The following EHBP1 variants were observed in gnomAD, a reference collection of about 807,000 sequenced individuals.
EHBP1 encodes EH domain binding protein 1.
In EHBP1, 55 loss-of-function variants were observed where a neutral mutation model predicts 144.0. The observed-to-expected ratio is 0.38, with a 90% CI of 0.31 to 0.48. EHBP1 has a LOEUF of 0.48. Among genes scored for constraint, EHBP1 ranks in the 20% least tolerant of loss-of-function variants. The pLI is 0.98. For synonymous variants in EHBP1, 469 were observed against 472.7 expected, an observed-to-expected ratio of 0.99 and a Z score of 0.10; for missense variants, 1,200 against 1,364.2, an observed-to-expected ratio of 0.88 and a Z score of 1.90.
At chr2:62,803,873 G>C (rs936793742) in intron 5 of EHBP1, among the ~76,000 whole-genome samples, 1 of 152,144 alleles carries the variant, frequency 6.6e-6, no homozygotes, top group African/African-American at 2.4e-5. Context: ...TAAGATTTCA[G>C]TTCCTCCACT....
intron 4 of EHBP1, 136 bp from the exon 5 acceptor site, chr2:62,771,203 A>C (rs2041632643): frequency 2.0e-6 from 1 of 489,696 alleles, no homozygotes. Context: ...GCAAAAGAAA[A>C]GAGTAGGCTA....
chr2:62,770,996 C>T (rs1354500010), intron 4 of EHBP1, among the ~76,000 whole-genome samples: 1 of 151,892 alleles, frequency 6.6e-6, no homozygotes, highest in East Asian at 1.9e-4. Context: ...GACACTGCGG[C>T]CTATGGGAAG....
At chr2:62,675,001 G>A (rs1267520784) in intron 1 of EHBP1, among the ~76,000 whole-genome samples, 4 of 152,170 alleles carry the variant, frequency 2.6e-5, no homozygotes, top group Non-Finnish European at 5.9e-5. Context: ...TGGTCAGAGA[G>A]GGAGAACTTG....
rs1327212626 is a variant in EHBP1, at chr2:62,683,646, G to A, written c.-296+9563G>A. On this transcript the variant is annotated intron_variant, in intron 1 of 22. Coordinates refer to the EHBP1 transcript ENST00000405015. Reference sequence around the variant, plus strand: ...TGCACTCCAGCCTGGGCGAAAGAGCGAGACTCCATCTCAAAAAAAAAAAAA... The same window carrying A: ...TGCACTCCAGCCTGGGCGAAAGAGCAAGACTCCATCTCAAAAAAAAAAAAA... Among the ~76,000 whole-genome samples, 16 of 113,852 alleles carry A rather than the reference G, an allele frequency of 1.4e-4. No homozygotes were observed. In the East Asian group the frequency reaches 1.5e-3, roughly 11 times the overall value. The allele number at this position is 113,852 out of a possible 152,430, so 74.7% of individuals were successfully genotyped here.
intron 2 of EHBP1, among the ~76,000 whole-genome samples, chr2:62,738,789 A>G (rs906849758): frequency 2.6e-5 from 4 of 152,232 alleles, no homozygotes; most frequent in South Asian, 4.1e-4. Flanking sequence ...AATTTTCAGA[A>G]CGCTTTCTTA....
intron 12 of EHBP1, among the ~76,000 whole-genome samples, 173 bp from the exon 13 acceptor site, chr2:62,948,087 C>T (rs1444809449): frequency 2.0e-5 from 3 of 151,942 alleles, no homozygotes; most frequent in African/African-American, 7.3e-5. Flanking sequence ...ACTTTTTTCT[C>T]TTGCCTCTCC....
chr2:63,022,640 G>A (rs768101592), intron 19 of EHBP1, among the ~76,000 whole-genome samples: 24 of 151,992 alleles, frequency 1.6e-4, no homozygotes, highest in Non-Finnish European at 1.9e-4. Flanking sequence ...TCCAGTGGAT[G>A]GTAGATTATT....
chr2:62,883,450 A>G (rs747603985), intron 10 of EHBP1, among the ~76,000 whole-genome samples: 3 of 152,210 alleles, frequency 2.0e-5, no homozygotes, highest in Admixed American at 6.5e-5. Flanking sequence ...ATGCTCAGAC[A>G]TAGACATTAG....
intron 1 of EHBP1, among the ~76,000 whole-genome samples, chr2:62,697,985 G>C (rs964530815): frequency 6.6e-6 from 1 of 152,216 alleles, no homozygotes; most frequent in Non-Finnish European, 1.5e-5. Context: ...ATGTGTTAGA[G>C]AGAAGTACTC....
chr2:62,771,381 G>A lies in EHBP1; in HGVS notation c.301G>A (p.Val101Ile). 6.3e-7 allele frequency: 1 copy of A among 1,591,876 alleles called. No homozygotes were observed. Among genetic ancestry groups the A allele is most frequent in the Non-Finnish European group, 8.6e-7 (1 of 1,168,808 alleles). ...EEFEDKEWTF[V>I]IENESPSGRR... ...ATTTGAAGACAAAGAGTGGACATTT[G>A]TCATAGAAAATGTAAGCTAATGGCA... Residue 101 changes from valine (V) to isoleucine (I), a missense_variant, in exon 5 of 23, where the codon GTC becomes ATC. Val to Ile is a conservative substitution (Grantham distance 29). Coordinates refer to ENST00000431489, the MANE Select transcript of EHBP1 (RefSeq NM_001142616.3).
intron 14 of EHBP1, among the ~76,000 whole-genome samples, chr2:62,969,953 G>T (rs2058422022): frequency 1.3e-5 from 2 of 152,144 alleles, no homozygotes; most frequent in Admixed American, 6.6e-5. Context: ...GTCAGGAGCT[G>T]ATCAAGCTGG....
intron 5 of EHBP1, among the ~76,000 whole-genome samples, chr2:62,796,817 G>A (rs577519293): frequency 6.7e-6 from 1 of 150,356 alleles, no homozygotes; most frequent in South Asian, 2.1e-4. Context: ...CTCTTTCCAT[G>A]ACTTCTGACT....
At chr2:62,785,476 A>G (rs1481158129) in intron 5 of EHBP1, among the ~76,000 whole-genome samples, 1 of 152,130 alleles carries the variant, frequency 6.6e-6, no homozygotes, top group Non-Finnish European at 1.5e-5. Flanking sequence ...TTCAAGGGCT[A>G]AGGGAGGTCA....
At chr2:62,809,979 T>C (rs2044854605) in intron 5 of EHBP1, among the ~76,000 whole-genome samples, 1 of 152,224 alleles carries the variant, frequency 6.6e-6, no homozygotes, top group South Asian at 2.1e-4. Context: ...TAATAGGGAA[T>C]GGTTATGTAA....
chr2:62,907,490 A>G (rs1418229652), intron 10 of EHBP1, among the ~76,000 whole-genome samples: 1 of 152,196 alleles, frequency 6.6e-6, no homozygotes, highest in Non-Finnish European at 1.5e-5. Flanking sequence ...GGAAAGTCCA[A>G]GTCACCAGCA....
chr2:62,810,022 A>C (rs890913276), intron 5 of EHBP1, among the ~76,000 whole-genome samples: 2 of 152,240 alleles, frequency 1.3e-5, no homozygotes, highest in African/African-American at 4.8e-5. Flanking sequence ...AGAATGATAC[A>C]CAACTTCTAA....
chr2:62,777,242 A>C (rs1371691199), intron 5 of EHBP1, among the ~76,000 whole-genome samples: 1 of 152,212 alleles, frequency 6.6e-6, no homozygotes, highest in African/African-American at 2.4e-5. Context: ...GAGTGTTGAG[A>C]TTACAGGCAT....
At chr2:62,736,488 C>T (rs546322677) in intron 2 of EHBP1, among the ~76,000 whole-genome samples, 14 of 152,058 alleles carry the variant, frequency 9.2e-5, no homozygotes, top group South Asian at 6.2e-4. Flanking sequence ...CCTCGCAAAG[C>T]GCTGGGATTA....
At chr2:62,836,732 G>C (rs200309630) in intron 7 of EHBP1, among the ~76,000 whole-genome samples, 1 of 134,264 alleles carries the variant, frequency 7.4e-6, no homozygotes, top group Non-Finnish European at 1.6e-5. Context: ...TGGAAGAAAG[G>C]GTATCAGCGA....
Sources: allele counts gnomAD v4.1 joint callset (sites outside exome capture counted in the v4.1 genomes callset), GRCh38; gene constraint gnomAD v4.1.1; transcripts MANE v1.5; gene names NCBI Gene and HGNC (gene_info 2026-07-23, HGNC 2026-07-21).